The following ADAMTS12 variants were observed in gnomAD, a reference collection of about 807,000 sequenced individuals.
The protein encoded by ADAMTS12 is ADAM metallopeptidase with thrombospondin type 1 motif 12, also known as A disintegrin and metalloproteinase with thrombospondin motifs 12.
ADAMTS12 carries 118 observed loss-of-function variants against 167.8 expected under a neutral mutation model. The ratio of observed to expected loss-of-function variants is 0.70; its 90% CI spans 0.61 to 0.82. The LOEUF is 0.82. Ranked by LOEUF, ADAMTS12 falls within the 40% of genes least tolerant of loss-of-function variation. The pLI is 0.00. For missense variants in ADAMTS12, 1,916 were observed against 1,998.8 expected (o/e 0.96, Z 0.79); for synonymous variants, 704 against 716.9 (o/e 0.98, Z 0.29).
intron 18 of ADAMTS12, among the ~76,000 whole-genome samples, chr5:33,584,884 ATATGCAATACAAGTT>A (rs375691579): frequency 6.4e-4 from 97 of 152,344 alleles, no homozygotes; most frequent in Middle Eastern, 3.4e-3. Context: ...AGACTGTTCA[ATATGCAATACAAGTT>A]TATGCAATAC....
chr5:33,650,139 G>T (rs1257016588), intron 7 of ADAMTS12, among the ~76,000 whole-genome samples: 1 of 152,152 alleles, frequency 6.6e-6, no homozygotes, highest in Non-Finnish European at 1.5e-5. Flanking sequence ...GAAGCCTCTG[G>T]GAGACTTTGT....
At chr5:33,544,932 T>C (rs1437659291) in intron 22 of ADAMTS12, among the ~76,000 whole-genome samples, 1 of 152,150 alleles carries the variant, frequency 6.6e-6, no homozygotes, top group Non-Finnish European at 1.5e-5. Flanking sequence ...GGCAATACCA[T>C]TCAGGACATA....
chr5:33,664,372 T>C (rs1372190301), intron 5 of ADAMTS12, among the ~76,000 whole-genome samples: 2 of 152,156 alleles, frequency 1.3e-5, no homozygotes, highest in Non-Finnish European at 2.9e-5. Context: ...CCCACCTAGA[T>C]ATGCCCAACT....
intron 3 of ADAMTS12, among the ~76,000 whole-genome samples, chr5:33,696,586 A>T (rs529593032): frequency 7.2e-5 from 11 of 152,160 alleles, no homozygotes; most frequent in African/African-American, 2.7e-4. Context: ...TTTTTCCCTC[A>T]TCTAATTAGA....
intron 2 of ADAMTS12, among the ~76,000 whole-genome samples, chr5:33,879,005 C>A (rs1182766964): frequency 6.6e-6 from 1 of 152,042 alleles, no homozygotes; most frequent in Non-Finnish European, 1.5e-5. Flanking sequence ...TCAGTGGTTC[C>A]CTAGGAGTGG....
chr5:33,647,820 A>G (rs1361573664), intron 9 of ADAMTS12, among the ~76,000 whole-genome samples: 1 of 152,206 alleles, frequency 6.6e-6, no homozygotes, highest in African/African-American at 2.4e-5. Context: ...GGATTTTTGT[A>G]TCAACTTTAC....
chr5:33,618,674 C>T (rs144848817), intron 14 of ADAMTS12, among the ~76,000 whole-genome samples: 2 of 152,306 alleles, frequency 1.3e-5, no homozygotes, highest in African/African-American at 4.8e-5. Context: ...GGTGTGGTGT[C>T]TAGCAACTCT....
intron 19 of ADAMTS12, among the ~76,000 whole-genome samples, chr5:33,569,037 G>A (rs1347136469): frequency 1.3e-5 from 2 of 152,232 alleles, no homozygotes; most frequent in Admixed American, 6.5e-5. Flanking sequence ...CAGCAAGGCT[G>A]GGGGAGGGGC....
chr5:33,803,291 C>G (rs1693650712), intron 2 of ADAMTS12, among the ~76,000 whole-genome samples: 1 of 152,204 alleles, frequency 6.6e-6, no homozygotes, highest in Admixed American at 6.5e-5. Flanking sequence ...CTGATAGAAT[C>G]AGACACATTA....
At position 33,785,715 on chromosome 5, in the gene ADAMTS12, T is replaced by C. The variant is rs574122753; in HGVS notation, c.490-34167A>G. On this transcript the variant is annotated intron_variant, in intron 2 of 23. Transcript: ENST00000504830. The stretch of plus-strand genomic sequence containing the variant: ...AACTGAAACCCTTGTATGTTGCTGT[T>C]GAAAATGTAAAATGGTACAATTATT... Among the ~76,000 whole-genome samples the C allele has an allele frequency of 2.4e-3, 359 of 152,334 alleles. 1 individual carries two copies. The highest frequency in any genetic ancestry group is 8.3e-3 in the African/African-American group (346 of 41,578).
At chr5:33,682,261 T>A (rs1193125289) in intron 5 of ADAMTS12, among the ~76,000 whole-genome samples, 1 of 152,108 alleles carries the variant, frequency 6.6e-6, no homozygotes, top group African/African-American at 2.4e-5. Context: ...TTGGGTAAGG[T>A]GGTGATTTGG....
chr5:33,698,491 G>A (rs1742866734), intron 3 of ADAMTS12, among the ~76,000 whole-genome samples: 1 of 152,086 alleles, frequency 6.6e-6, no homozygotes, highest in Non-Finnish European at 1.5e-5. Flanking sequence ...AAGGGGGAAT[G>A]AGTGACATCT....
intron 12 of ADAMTS12, among the ~76,000 whole-genome samples, chr5:33,635,228 T>A (rs1048791495): frequency 6.6e-6 from 1 of 152,192 alleles, no homozygotes; most frequent in Non-Finnish European, 1.5e-5. Flanking sequence ...ATAGGTTTAA[T>A]AAACTGAGCC....
At chr5:33,554,585 T>C (rs1561122143) in intron 20 of ADAMTS12, among the ~76,000 whole-genome samples, 1 of 152,216 alleles carries the variant, frequency 6.6e-6, no homozygotes, top group East Asian at 1.9e-4. Context: ...TTTGCCTTCA[T>C]AGGATAGAAG....
chr5:33,614,730 G>T (rs1238115979), intron 15 of ADAMTS12, among the ~76,000 whole-genome samples: 1 of 152,148 alleles, frequency 6.6e-6, no homozygotes, highest in Non-Finnish European at 1.5e-5. Context: ...AGGCCGATAG[G>T]TTACTTTGTG....
intron 2 of ADAMTS12, among the ~76,000 whole-genome samples, chr5:33,790,244 T>A (rs554293163): frequency 5.3e-5 from 8 of 152,258 alleles, no homozygotes; most frequent in South Asian, 2.1e-4. Context: ...CAGAAACCAG[T>A]TGATTGTCCT....
At chr5:33,605,603 T>C (rs946736382) in intron 16 of ADAMTS12, among the ~76,000 whole-genome samples, 7 of 152,154 alleles carry the variant, frequency 4.6e-5, no homozygotes, top group Non-Finnish European at 1.0e-4. Context: ...AACTCAGAGT[T>C]CAGTTTGAAA....
chr5:33,881,565 T>C (rs1264830588), intron 1 of ADAMTS12, 85 bp from the exon 2 acceptor site: 59 of 313,480 alleles, frequency 1.9e-4, no homozygotes, highest in Non-Finnish European at 2.6e-4. Context: ...GAATGCTAGC[T>C]TTTTTTTTTT....
At chr5:33,620,198 A>T (rs768574137) in intron 14 of ADAMTS12, among the ~76,000 whole-genome samples, 8 of 152,240 alleles carry the variant, frequency 5.3e-5, no homozygotes, top group Non-Finnish European at 1.2e-4. Context: ...GAAGTAGCAG[A>T]CAGCTATAGC....
Sources: allele counts gnomAD v4.1 joint callset (sites outside exome capture counted in the v4.1 genomes callset), GRCh38; gene constraint gnomAD v4.1.1; transcripts MANE v1.5; gene names NCBI Gene and HGNC (gene_info 2026-07-23, HGNC 2026-07-21).